Variants in AGBL4 observed in about 807,000 individuals in gnomAD.
AGBL4 encodes the protein cytosolic carboxypeptidase 6.
A neutral mutation model predicts 66.4 loss-of-function variants in AGBL4; 58 were observed. That is an observed-to-expected ratio of 0.87 (90% CI 0.71 to 1.09). The LOEUF is 1.09. AGBL4 is among the 50% of genes least tolerant of loss of function. The pLI, the probability that AGBL4 is intolerant of heterozygous loss-of-function variation, is 0.00. For synonymous variants in AGBL4, 234 were observed against 222.9 expected, an observed-to-expected ratio of 1.05 and a Z score of -0.44; for missense variants, 579 against 631.0, an observed-to-expected ratio of 0.92 and a Z score of 0.88.
chr1:49,665,741 C>T (rs932704138), intron 3 of AGBL4, among the ~76,000 whole-genome samples: 10 of 152,010 alleles, frequency 6.6e-5, no homozygotes, highest in Non-Finnish European at 1.3e-4. Flanking sequence ...ACATGAACAA[C>T]TCTTTAAGTG....
intron 4 of AGBL4, among the ~76,000 whole-genome samples, chr1:49,233,960 A>T (rs1192207394): frequency 6.6e-6 from 1 of 152,198 alleles, no homozygotes; most frequent in African/African-American, 2.4e-5. Context: ...TACTACTAAT[A>T]GAAAGCTCCC....
chr1:50,016,061 G>A (rs758667504), intron 1 of AGBL4, among the ~76,000 whole-genome samples: 11 of 152,098 alleles, frequency 7.2e-5, no homozygotes, highest in Non-Finnish European at 1.2e-4. Context: ...TTGCACATAG[G>A]CCCTGGCAAA....
intron 3 of AGBL4, among the ~76,000 whole-genome samples, chr1:49,559,922 A>G (rs1465556057): frequency 3.3e-5 from 5 of 152,086 alleles, no homozygotes; most frequent in African/African-American, 1.2e-4. Flanking sequence ...CATGTATCCT[A>G]TTACTTCTGT....
At position 49,447,023 on chromosome 1, in the gene AGBL4, C is replaced by T. The variant is rs139301851; in HGVS notation, c.283-201159G>A. 1.4e-4 allele frequency among the ~76,000 whole-genome samples: 21 copies of T among 152,268 alleles called. No homozygotes were observed. The East Asian group carries it at 4.1e-3, about 30-fold the overall frequency. ...TTGGGTCACAGTCACCACTCACAGCCTCTTACAGGCAGCCCTCTAGCCTGT... is the reference window on the plus strand; with the variant it reads ...TTGGGTCACAGTCACCACTCACAGCTTCTTACAGGCAGCCCTCTAGCCTGT... On this transcript the variant is annotated intron_variant, in intron 3 of 13. Transcript: ENST00000371839.
chr1:49,809,157 AT>A (rs1012339182), intron 2 of AGBL4, among the ~76,000 whole-genome samples: 19 of 151,324 alleles, frequency 1.3e-4, no homozygotes, highest in South Asian at 4.2e-4. Context: ...ATCCAATTAC[AT>A]TTTTTTTTAT....
intron 4 of AGBL4, among the ~76,000 whole-genome samples, chr1:49,223,083 A>G (rs12058684): frequency 0.02 from 3,043 of 152,234 alleles, 110 homozygotes; most frequent in African/African-American, 0.07. Context: ...TATATTGTAT[A>G]TTACTTTTTG....
chr1:48,863,868 C>T (rs190503076), intron 6 of AGBL4, among the ~76,000 whole-genome samples: 9 of 152,030 alleles, frequency 5.9e-5, no homozygotes, highest in Admixed American at 2.6e-4. Context: ...CAGGAGAATA[C>T]GATATTTAGA....
At chr1:49,034,686 G>A (rs1172783015) in intron 5 of AGBL4, among the ~76,000 whole-genome samples, 1 of 152,058 alleles carries the variant, frequency 6.6e-6, no homozygotes, top group Non-Finnish European at 1.5e-5. Context: ...TACGAGGTGT[G>A]ATGGTTTTAT....
intron 9 of AGBL4, among the ~76,000 whole-genome samples, chr1:48,632,774 C>G (rs1645612596): frequency 6.6e-6 from 1 of 152,218 alleles, no homozygotes; most frequent in South Asian, 2.1e-4. Flanking sequence ...AGCTTGTTCT[C>G]TTTGAGAAGG....
At chr1:49,936,428 G>C (rs892441405) in intron 1 of AGBL4, among the ~76,000 whole-genome samples, 1 of 152,194 alleles carries the variant, frequency 6.6e-6, no homozygotes, top group African/African-American at 2.4e-5. Context: ...ACATTACCCA[G>C]GAGAACTTCC....
At chr1:49,077,113 T>TCTCC (rs397757245) in intron 4 of AGBL4, among the ~76,000 whole-genome samples, 1 of 151,836 alleles carries the variant, frequency 6.6e-6, no homozygotes, top group Non-Finnish European at 1.5e-5. Context: ...TGTGTGTGTG[T>TCTCC]CTCCCTCTCA....
intron 1 of AGBL4, among the ~76,000 whole-genome samples, chr1:49,857,710 T>C (rs1283453297): frequency 6.6e-6 from 1 of 152,144 alleles, no homozygotes; most frequent in Non-Finnish European, 1.5e-5. Flanking sequence ...TCTCTCACCA[T>C]ATACAAAAAT....
intron 11 of AGBL4, among the ~76,000 whole-genome samples, chr1:48,546,563 G>A (rs568646815): frequency 6.6e-6 from 1 of 152,198 alleles, no homozygotes; most frequent in Non-Finnish European, 1.5e-5. Context: ...AGCTAACCGC[G>A]TAGAGTGGAA....
At chr1:49,216,204 A>AC (rs1333636322) in intron 4 of AGBL4, among the ~76,000 whole-genome samples, 1 of 152,076 alleles carries the variant, frequency 6.6e-6, no homozygotes, top group Non-Finnish European at 1.5e-5. Context: ...TCCCAGTTAG[A>AC]CCACTGGTTG....
At chr1:49,527,523 A>T (rs774824221) in intron 3 of AGBL4, 8 of 152,734 alleles carry the variant, frequency 5.2e-5, no homozygotes, top group Non-Finnish European at 1.0e-4. Context: ...ACTTTCTTCC[A>T]TTGCTATCAC....
intron 2 of AGBL4, among the ~76,000 whole-genome samples, chr1:49,817,696 C>T (rs1400172810): frequency 6.7e-6 from 1 of 149,130 alleles, no homozygotes; most frequent in African/African-American, 2.4e-5. Context: ...CCAAATTTTA[C>T]TTATAAGATT....
chr1:49,821,953 T>A (rs1191997913), intron 2 of AGBL4, among the ~76,000 whole-genome samples: 1 of 152,156 alleles, frequency 6.6e-6, no homozygotes, highest in East Asian at 1.9e-4. Flanking sequence ...AGAAAGAAAA[T>A]CTCACTTACA....
intron 5 of AGBL4, among the ~76,000 whole-genome samples, chr1:49,029,677 T>C (rs1405771022): frequency 6.6e-6 from 1 of 152,138 alleles, no homozygotes. Context: ...ATTGATAAGG[T>C]GATCCTAAAA....
At chr1:49,611,774 AG>A (rs1645160105) in intron 3 of AGBL4, among the ~76,000 whole-genome samples, 1 of 152,188 alleles carries the variant, frequency 6.6e-6, no homozygotes, top group South Asian at 2.1e-4. Flanking sequence ...AATCTGAATA[AG>A]GAGTAGATGT....
Sources: gnomAD v4.1 joint callset for allele counts (sites outside exome capture counted in the v4.1 genomes callset) on GRCh38, gnomAD v4.1.1 for gene constraint, MANE v1.5 for transcripts, NCBI Gene and HGNC (gene_info 2026-07-23, HGNC 2026-07-21) for gene names.